Variants in SHC3 observed in about 807,000 individuals in gnomAD.
SHC3 encodes SHC-transforming protein 3.
SHC3 carries 15 observed loss-of-function variants against 60.4 expected under a neutral mutation model. That is an observed-to-expected ratio of 0.25 (90% CI 0.17 to 0.38). The LOEUF (loss-of-function observed/expected upper bound fraction) is 0.38. Among genes scored for constraint, SHC3 ranks in the 10% least tolerant of loss-of-function variants. SHC3 has a pLI of 1.00. For missense variants in SHC3, 677 were observed against 786.1 expected, an observed-to-expected ratio of 0.86 and a Z score of 1.66; for synonymous variants, 294 against 325.9, an observed-to-expected ratio of 0.90 and a Z score of 1.05.
chr9:89,105,273 C>T (rs1157014973), intron 2 of SHC3, among the ~76,000 whole-genome samples: 1 of 152,180 alleles, frequency 6.6e-6, no homozygotes, highest in African/African-American at 2.4e-5. Context: ...TGACTGTAGT[C>T]TCTGGGTTCA....
chr9:89,041,128 C>T (rs1209861741), intron 10 of SHC3, among the ~76,000 whole-genome samples: 4 of 152,256 alleles, frequency 2.6e-5, no homozygotes, highest in Admixed American at 6.5e-5. Context: ...CCTCCCTCTT[C>T]AGCCTATAAA....
At chr9:89,134,744 T>C (rs1826295967) in intron 1 of SHC3, among the ~76,000 whole-genome samples, 7 of 152,106 alleles carry the variant, frequency 4.6e-5, no homozygotes, top group Non-Finnish European at 8.8e-5. Flanking sequence ...AGGTTTCTGA[T>C]AACTTTGGAG....
intron 9 of SHC3, among the ~76,000 whole-genome samples, chr9:89,045,211 G>A (rs1824751982): frequency 6.6e-6 from 1 of 152,016 alleles, no homozygotes; most frequent in Non-Finnish European, 1.5e-5. Flanking sequence ...CAGACGGGGT[G>A]TGAATGGTCC....
intron 11 of SHC3, among the ~76,000 whole-genome samples, chr9:89,023,318 C>A (rs972325016): frequency 2.6e-5 from 4 of 152,190 alleles, no homozygotes; most frequent in Non-Finnish European, 5.9e-5. Context: ...AAAATCAGAT[C>A]CCACAGATCA....
chr9:89,041,988 T>C, intron 10 of SHC3, 38 bp downstream of exon 10: 2 of 1,611,870 alleles, frequency 1.2e-6, no homozygotes, highest in East Asian at 2.2e-5. Flanking sequence ...AAAAGCAACC[T>C]CAAAAGAAAA....
intron 11 of SHC3, among the ~76,000 whole-genome samples, chr9:89,022,647 C>CA (rs1348749285): frequency 3.9e-5 from 6 of 152,146 alleles, no homozygotes; most frequent in African/African-American, 1.4e-4. Flanking sequence ...TATGAACAAG[C>CA]ATGTACAGCT....
chr9:89,159,616 G>A (rs1229279552), intron 1 of SHC3, among the ~76,000 whole-genome samples: 2 of 152,072 alleles, frequency 1.3e-5, no homozygotes, highest in Non-Finnish European at 2.9e-5. Context: ...GTATTAACTC[G>A]CACGATCACA....
chr9:89,076,796 T>A (rs1317137494), intron 3 of SHC3, among the ~76,000 whole-genome samples: 7 of 152,210 alleles, frequency 4.6e-5, no homozygotes, highest in Admixed American at 4.6e-4. Flanking sequence ...TATTAAATTT[T>A]TCAGAATTTT....
chr9:89,078,638 G>A (rs1202386983), intron 2 of SHC3, among the ~76,000 whole-genome samples: 5 of 152,168 alleles, frequency 3.3e-5, no homozygotes, highest in African/African-American at 7.2e-5. Flanking sequence ...GGGTGAGGAA[G>A]CAAGACAGGA....
rs79724204 is a variant in SHC3, at chr9:89,106,461, C to T, written c.545+6095G>A. On this transcript the variant is annotated intron_variant, in intron 2 of 11. Coordinates refer to ENST00000375835, the MANE Select transcript of SHC3 (RefSeq NM_016848.6). ...CCTGGGAGTGCCTGCATCTAGTCTC[C>T]GCCCCTTCAGTGGTGGCTTCTCCAG... Among the ~76,000 whole-genome samples, 913 of 152,346 alleles carry T rather than the reference C, an allele frequency of 6.0e-3. 18 individuals are homozygous for T. Among genetic ancestry groups the T allele is most frequent in the East Asian group, 0.035 (183 of 5,190 alleles).
chr9:89,102,438 T>C (rs1202552330), intron 2 of SHC3, among the ~76,000 whole-genome samples: 2 of 152,228 alleles, frequency 1.3e-5, no homozygotes, highest in African/African-American at 4.8e-5. Flanking sequence ...AAGAAAATTT[T>C]AGGAATACCT....
At chr9:89,070,307 G>C (rs1825249534) in intron 5 of SHC3, among the ~76,000 whole-genome samples, 1 of 152,140 alleles carries the variant, frequency 6.6e-6, no homozygotes, top group South Asian at 2.1e-4. Flanking sequence ...ATTAAGATGA[G>C]AACTTTCCGG....
chr9:89,087,938 G>A (rs1825559099), intron 2 of SHC3, among the ~76,000 whole-genome samples: 2 of 152,196 alleles, frequency 1.3e-5, no homozygotes, highest in South Asian at 2.1e-4. Flanking sequence ...GGAAATGAAA[G>A]TATTTTACCT....
At chr9:89,098,355 G>T (rs1020967084) in intron 2 of SHC3, among the ~76,000 whole-genome samples, 5 of 152,212 alleles carry the variant, frequency 3.3e-5, no homozygotes, top group Admixed American at 6.5e-5. Context: ...TTTGGATTTA[G>T]ACTATTAAAT....
chr9:89,164,232 A>G (rs543789744), intron 1 of SHC3, among the ~76,000 whole-genome samples: 7 of 152,294 alleles, frequency 4.6e-5, no homozygotes, highest in African/African-American at 1.7e-4. Context: ...CATCTGATAG[A>G]GTCTCACTTC....
chr9:89,037,615 C>A, intron 11 of SHC3: 1 of 689,390 alleles, frequency 1.5e-6, no homozygotes, highest in Admixed American at 2.4e-5. Context: ...CTCAGTGATT[C>A]AACTTTTCGA....
chr9:89,143,814 G>A (rs536284054), intron 1 of SHC3, among the ~76,000 whole-genome samples: 1 of 152,272 alleles, frequency 6.6e-6, no homozygotes, highest in South Asian at 2.1e-4. Context: ...TTCGGGGTTA[G>A]TGTGTCAGTG....
At chr9:89,164,429 C>G (rs1826756054) in intron 1 of SHC3, among the ~76,000 whole-genome samples, 1 of 151,898 alleles carries the variant, frequency 6.6e-6, no homozygotes, top group South Asian at 2.1e-4. Flanking sequence ...TGAGCTAAGC[C>G]CAAAAGTGCA....
chr9:89,040,180 ACAC>A (rs1824657471), intron 10 of SHC3, among the ~76,000 whole-genome samples: 1 of 4,804 alleles, frequency 2.1e-4, no homozygotes, highest in Non-Finnish European at 4.5e-4. Context: ...ATCACTATCA[ACAC>A]CACCACCATC....
Sources: gnomAD v4.1 joint callset for allele counts (sites outside exome capture counted in the v4.1 genomes callset) on GRCh38, gnomAD v4.1.1 for gene constraint, MANE v1.5 for transcripts, NCBI Gene and HGNC (gene_info 2026-07-23, HGNC 2026-07-21) for gene names.